Variants in COL13A1 observed in about 807,000 individuals in gnomAD.
COL13A1 encodes the protein collagen type XIII alpha 1 chain, also known as collagen alpha-1(XIII) chain.
Under a neutral mutation model 130.9 loss-of-function variants are expected in COL13A1, and 89 were observed. That is an observed-to-expected ratio of 0.68 (90% CI 0.57 to 0.81). The LOEUF (loss-of-function observed/expected upper bound fraction) is 0.81. Among genes scored for constraint, COL13A1 ranks in the 30% least tolerant of loss-of-function variants. COL13A1 has a pLI of 0.00. For missense variants in COL13A1, 879 were observed against 934.6 expected, an observed-to-expected ratio of 0.94 and a Z score of 0.78; for synonymous variants, 402 against 341.6, an observed-to-expected ratio of 1.18 and a Z score of -1.95.
rs1564723791 is a variant in COL13A1 at position 69,810,346 on chromosome 10, A to AAGAG, written c.294+7629_294+7630insAGAG. On this transcript the variant is annotated intron_variant, in intron 1 of 40. Coordinates refer to ENST00000645393, the MANE Select transcript of COL13A1 (RefSeq NM_001368882.1). ...CGGCTGGACCTGGCAGGCCCTGAGA[A>AAGAG]TGAGAGAGAGAGAGAGAGAGAGAGA... Among the ~76,000 whole-genome samples, 353 of 71,138 alleles carry AAGAG rather than the reference A, an allele frequency of 5.0e-3. 1 individual carries two copies. The highest frequency in any genetic ancestry group is 9.5e-3 in the Admixed American group (55 of 5,774). 46.7% of individuals were successfully genotyped at this position (71,138 alleles called of 152,430 possible). A position where few individuals can be genotyped will look rare whatever the true frequency, so the allele number is the denominator to read the frequency against.
chr10:69,881,943 T>C (rs2060183199), intron 7 of COL13A1, among the ~76,000 whole-genome samples: 1 of 152,214 alleles, frequency 6.6e-6, no homozygotes, highest in Admixed American at 6.5e-5. Context: ...CTGGCTCCAG[T>C]CTGCTTCTGG....
At chr10:69,887,710 T>A (rs1350352632) in intron 8 of COL13A1, among the ~76,000 whole-genome samples, 1 of 152,008 alleles carries the variant, frequency 6.6e-6, no homozygotes, top group Non-Finnish European at 1.5e-5. Context: ...AATACACAAA[T>A]TAAGGGGCAG....
chr10:69,943,795 C>T (rs770943463), intron 35 of COL13A1, among the ~76,000 whole-genome samples: 4 of 152,220 alleles, frequency 2.6e-5, no homozygotes, highest in Non-Finnish European at 5.9e-5. Context: ...GCCCCTGCCC[C>T]GGGATGGGTC....
intron 17 of COL13A1, among the ~76,000 whole-genome samples, chr10:69,906,816 C>T (rs181365889): frequency 2.1e-3 from 317 of 152,094 alleles, no homozygotes; most frequent in Non-Finnish European, 2.3e-3. Context: ...CTGCAACCCC[C>T]GCCTCCCAGG....
At chr10:69,913,222 ACC>A (rs2063565964) in intron 17 of COL13A1, among the ~76,000 whole-genome samples, 1 of 152,166 alleles carries the variant, frequency 6.6e-6, no homozygotes, top group African/African-American at 2.4e-5. Context: ...CTGCCATCAC[ACC>A]ATGCACGTGG....
intron 2 of COL13A1, among the ~76,000 whole-genome samples, chr10:69,853,600 T>C (rs1382751046): frequency 2.6e-5 from 4 of 151,870 alleles, no homozygotes; most frequent in Non-Finnish European, 5.9e-5. Flanking sequence ...AAACAATGTA[T>C]AAAAGGAAAA....
At chr10:69,868,709 A>T (rs2058770192) in intron 3 of COL13A1, among the ~76,000 whole-genome samples, 1 of 152,040 alleles carries the variant, frequency 6.6e-6, no homozygotes, top group Admixed American at 6.5e-5. Flanking sequence ...CGCCTGCTTC[A>T]TTTTTAGTAA....
chr10:69,931,029 T>G, intron 30 of COL13A1: 1 of 355,556 alleles, frequency 2.8e-6, no homozygotes, highest in Non-Finnish European at 5.7e-6. Flanking sequence ...GGGGTTTCCA[T>G]CTGTGAAATG....
chr10:69,821,961 G>A (rs1424891475), intron 1 of COL13A1, among the ~76,000 whole-genome samples: 2 of 152,096 alleles, frequency 1.3e-5, no homozygotes, highest in Non-Finnish European at 2.9e-5. Flanking sequence ...GCTTTGTAAG[G>A]GACACCAGAA....
At chr10:69,874,508 GCATTTC>G (rs1322525520) in intron 4 of COL13A1, among the ~76,000 whole-genome samples, 33 of 152,342 alleles carry the variant, frequency 2.2e-4, no homozygotes, top group Non-Finnish European at 5.9e-5. Flanking sequence ...ACAAAACAAA[GCATTTC>G]CCTTGGAGCA....
chr10:69,932,056 T>C (rs2985537), intron 30 of COL13A1, among the ~76,000 whole-genome samples: 102,545 of 150,944 alleles, frequency 0.68, 35,138 homozygotes, highest in African/African-American at 0.77. Context: ...CCTCCCCACC[T>C]CCCGCAGAGT....
intron 13 of COL13A1, among the ~76,000 whole-genome samples, chr10:69,895,830 C>T (rs2061581014): frequency 6.6e-6 from 1 of 152,200 alleles, no homozygotes; most frequent in African/African-American, 2.4e-5. Flanking sequence ...TGTACATCCG[C>T]CCCTTTGTAC....
intron 2 of COL13A1, among the ~76,000 whole-genome samples, chr10:69,864,148 G>T (rs182832089): frequency 6.6e-6 from 1 of 152,240 alleles, no homozygotes; most frequent in East Asian, 1.9e-4. Flanking sequence ...TAAGAGCAAG[G>T]TGACCACCTT....
chr10:69,935,568 A>G (rs1341739682), intron 32 of COL13A1, among the ~76,000 whole-genome samples, 177 bp downstream of exon 32: 1 of 152,216 alleles, frequency 6.6e-6, no homozygotes, highest in East Asian at 1.9e-4. Flanking sequence ...CATACTGGGG[A>G]CACCAAGGAG....
At chr10:69,904,339 A>C (rs2135181955) in intron 15 of COL13A1, among the ~76,000 whole-genome samples, 1 of 152,230 alleles carries the variant, frequency 6.6e-6, no homozygotes, top group African/African-American at 2.4e-5. Context: ...ATGTTTCTTA[A>C]CCCAATTGCA....
At chr10:69,850,298 C>G (rs1169311930) in intron 2 of COL13A1, among the ~76,000 whole-genome samples, 1 of 150,014 alleles carries the variant, frequency 6.7e-6, no homozygotes, top group Admixed American at 6.7e-5. Context: ...CTGGACTCCA[C>G]AAGATCTGGG....
At chr10:69,947,245 GCACTGTA>G in intron 37 of COL13A1, 55 bp from the exon 38 acceptor site, 1 of 1,474,468 alleles carries the variant, frequency 6.8e-7, no homozygotes, top group Non-Finnish European at 9.5e-7. Flanking sequence ...CTGGAAGAAA[GCACTGTA>G]CAGCTGGCCT....
In COL13A1 at chr10:69,880,511, C is replaced by T. The variant is rs764986358; in HGVS notation, c.471C>T (p.Pro157=). The T allele has an allele frequency of 2.9e-5, 46 of 1,612,376 alleles. No homozygotes were observed. The highest frequency in any genetic ancestry group is 2.0e-4 in the East Asian group (9 of 44,842). The change falls in exon 7 of 41, where the codon CCC becomes CCT. Residue 157 remains proline (P), a synonymous_variant. Coordinates refer to ENST00000645393, the MANE Select transcript of COL13A1 (RefSeq NM_001368882.1). ...VKGQPGEKGS[P]GDAGLSIIGP... ...TTCCTCTCTCCCCGCAGGGGTCCCC[C>T]GGAGACGCTGGGCTGTCCATCATTG...
At chr10:69,944,092 G>T in intron 35 of COL13A1, 33 bp from the exon 36 acceptor site, 1 of 1,599,782 alleles carries the variant, frequency 6.3e-7, no homozygotes. Context: ...AGAGTGTGGG[G>T]ACCCTCACCT....
Sources: allele counts gnomAD v4.1 joint callset (sites outside exome capture counted in the v4.1 genomes callset), GRCh38; gene constraint gnomAD v4.1.1; transcripts MANE v1.5; gene names NCBI Gene and HGNC (gene_info 2026-07-23, HGNC 2026-07-21).